STON2: variants seen among roughly 807,000 people sequenced by gnomAD.
The protein encoded by STON2 is stonin-2.
A neutral mutation model predicts 65.7 loss-of-function variants in STON2; 29 were observed. The ratio of observed to expected loss-of-function variants is 0.44; its 90% confidence interval spans 0.33 to 0.60. The LOEUF (loss-of-function observed/expected upper bound fraction) is 0.60, where lower values mean the gene tolerates loss of function less well. Ranked by LOEUF, STON2 falls within the 20% of genes least tolerant of loss-of-function variation. The pLI, the probability that STON2 is intolerant of heterozygous loss-of-function variation, is 0.03. For missense variants in STON2, 1,054 were observed against 1,118.1 expected (o/e 0.94, Z 0.82); for synonymous variants, 404 against 414.2 (o/e 0.98, Z 0.30).
At position 81,263,935 on chromosome 14, in the gene STON2, T is replaced by C; in HGVS notation, c.*4479A>G. 1.0e-6 allele frequency: 1 copy of C among 985,448 alleles called. No individual in the cohort carries two copies. The highest frequency in any genetic ancestry group is 1.2e-6 in the Non-Finnish European group (1 of 829,936). 61.0% of individuals were successfully genotyped at this position (985,448 alleles called of 1,614,324 possible). A position where few individuals can be genotyped will look rare whatever the true frequency, so the allele number is the denominator to read the frequency against. Reference sequence around the variant, plus strand: ...GACTTTATCTCACAAATTTTGACCTTACTATCTCAGACCTCCATCTTACTG... The same window carrying C: ...GACTTTATCTCACAAATTTTGACCTCACTATCTCAGACCTCCATCTTACTG... On this transcript the variant is annotated 3_prime_UTR_variant, in exon 8 of 8. Transcript: ENST00000614646.
In STON2 at chr14:81,267,886, A is replaced by C; in HGVS notation, c.*528T>G. The C allele has an allele frequency of 1.0e-6, 1 of 985,494 alleles. No homozygotes were observed. Among genetic ancestry groups the C allele is most frequent in the Non-Finnish European group, 1.2e-6 (1 of 829,978 alleles). The allele number at this position is 985,494 out of a possible 1,614,324, so 61.0% of individuals were successfully genotyped here. A position where few individuals can be genotyped will look rare whatever the true frequency, so the allele number is the denominator to read the frequency against. On this transcript the variant is annotated 3_prime_UTR_variant, in exon 8 of 8. Coordinates refer to ENST00000614646, the MANE Select transcript of STON2 (RefSeq NM_001394390.1). ...AGCTTAACAGTTAAAGAATGGAGAC[A>C]CCTCAAAAAGGTCTAGTAAGACCCA...
rs1281300847 is a variant in STON2 at position 81,327,512 on chromosome 14, C to T, written c.572-3325G>A. ...ACTAGCTAGTTAAAAGGCAGTCTTA[C>T]GTACTTCCATCAAGAGGCAACTGGC... On this transcript the variant is annotated intron_variant, in intron 4 of 7. Transcript: ENST00000614646. Among the ~76,000 whole-genome samples, 10 of 152,218 alleles carry T rather than the reference C, an allele frequency of 6.6e-5. No homozygotes were observed. In the East Asian group the frequency reaches 1.2e-3, roughly 18 times the overall value.
chr14:81,303,175 C>T (rs1054738420), intron 5 of STON2, among the ~76,000 whole-genome samples: 2 of 151,602 alleles, frequency 1.3e-5, no homozygotes, highest in Non-Finnish European at 2.9e-5. Flanking sequence ...AGGGAAGAGA[C>T]GGGGAAAAGT....
In STON2 at chr14:81,277,001, G is replaced by A. The variant is rs1894852419; in HGVS notation, c.2481C>T (p.Gly827=). The change falls in exon 6 of 8, where the codon GGC becomes GGT. Residue 827 remains glycine (G), a synonymous_variant. Transcript: ENST00000614646. ...GASFGSTSVS[G]SEPVMRVTLG... The stretch of plus-strand genomic sequence containing the variant: ...GAGTTACTCTCATGACAGGCTCAGA[G>A]CCAGAAACACTAGTGGAGCCAAAAC... The A allele has an allele frequency of 6.2e-7, 1 of 1,614,082 alleles. No homozygotes were observed. Among genetic ancestry groups the A allele is most frequent in the African/African-American group, 1.3e-5 (1 of 74,932 alleles).
At chr14:81,316,034 A>G (rs542089714) in intron 5 of STON2, among the ~76,000 whole-genome samples, 1 of 152,338 alleles carries the variant, frequency 6.6e-6, no homozygotes, top group Admixed American at 6.5e-5. Context: ...AAAAATACCA[A>G]TAAAAATGCC....
chr14:81,429,648 T>C (rs1300491323), intron 1 of STON2, among the ~76,000 whole-genome samples: 2 of 152,114 alleles, frequency 1.3e-5, no homozygotes, highest in Admixed American at 6.6e-5. Context: ...TAAGAAGTCA[T>C]CTAGGTCGGG....
At chr14:81,404,243 CA>C (rs1900741524), upstream of STON2, among the ~76,000 whole-genome samples, 1 of 152,140 alleles carries the variant, frequency 6.6e-6, no homozygotes, top group Non-Finnish European at 1.5e-5. Context: ...TCCAATACAG[CA>C]GACACTAGAC....
chr14:81,411,480 G>A (rs1901156007), intron 2 of STON2, among the ~76,000 whole-genome samples: 1 of 152,238 alleles, frequency 6.6e-6, no homozygotes. Flanking sequence ...GCCAAGGCAG[G>A]TGGATCACCT....
chr14:81,402,226 C>T (rs1900643873), upstream of STON2, among the ~76,000 whole-genome samples: 1 of 152,094 alleles, frequency 6.6e-6, no homozygotes, highest in Admixed American at 6.6e-5. Context: ...TGGACAGAAG[C>T]GTGGTGATGG....
In STON2 at chr14:81,347,635, A is replaced by AC. The variant is rs1418934936; in HGVS notation, c.571+23352_571+23353insG. On this transcript the variant is annotated intron_variant, in intron 4 of 7. Transcript: ENST00000614646. ...GACAGTAAAAAAAAAAAAAAAAAAA[A>AC]AACCCTACAGGCCAGTATCCCTGAT... Among the ~76,000 whole-genome samples, 4 of 150,380 alleles carry AC rather than the reference A, an allele frequency of 2.7e-5. No individual in the cohort carries two copies. In the East Asian group the frequency reaches 5.8e-4, roughly 22 times the overall value.
At chr14:81,308,781 C>CATATAT (rs57821672) in intron 5 of STON2, among the ~76,000 whole-genome samples, 16 of 9,074 alleles carry the variant, frequency 1.8e-3, no homozygotes, top group East Asian at 5.9e-3. Flanking sequence ...TGGTTTTACC[C>CATATAT]ATATATATAT....
At chr14:81,347,102 T>A (rs3915223) in intron 4 of STON2, among the ~76,000 whole-genome samples, 7 of 149,664 alleles carry the variant, frequency 4.7e-5, no homozygotes, top group East Asian at 2.0e-4. Context: ...CAAAACAAAA[T>A]AAAAAAAAAC....
intron 5 of STON2, among the ~76,000 whole-genome samples, chr14:81,317,775 C>G (rs568386469): frequency 1.3e-5 from 2 of 152,186 alleles, no homozygotes; most frequent in South Asian, 4.2e-4. Flanking sequence ...GTAAAGACAC[C>G]ACACACATAA....
At chr14:81,431,044 T>C (rs1010378279) in intron 1 of STON2, among the ~76,000 whole-genome samples, 1 of 152,058 alleles carries the variant, frequency 6.6e-6, no homozygotes, top group African/African-American at 2.4e-5. Context: ...ATAGATCAAG[T>C]GAAGGCAGTA....
chr14:81,313,811 ACAC>A (rs1896523548), intron 5 of STON2, among the ~76,000 whole-genome samples: 1 of 9,668 alleles, frequency 1.0e-4, no homozygotes, highest in Non-Finnish European at 2.1e-4. Context: ...AAAAAAAAAT[ACAC>A]ACACACACAC....
intron 3 of STON2, among the ~76,000 whole-genome samples, chr14:81,380,722 C>T (rs1899473926): frequency 6.6e-6 from 1 of 152,100 alleles, no homozygotes; most frequent in Non-Finnish European, 1.5e-5. Flanking sequence ...AACCCAGGAA[C>T]AGAAAACCAA....
At chr14:81,324,869 A>C (rs1335999382) in intron 4 of STON2, among the ~76,000 whole-genome samples, 2 of 152,236 alleles carry the variant, frequency 1.3e-5, no homozygotes, top group African/African-American at 2.4e-5. Flanking sequence ...TTCATAAACA[A>C]AGGCATGGCA....
At position 81,278,259 on chromosome 14, in the gene STON2, G is replaced by A. The variant is rs371297916; in HGVS notation, c.1223C>T (p.Thr408Met). 98 of 1,614,042 alleles carry A rather than the reference G, an allele frequency of 6.1e-5. No homozygotes were observed. The highest frequency in any genetic ancestry group is 1.6e-4 in the Middle Eastern group (1 of 6,084). ...RSQNSSISSTTGKSQRDSLIV... is the reference protein window; with the variant it reads ...RSQNSSISSTMGKSQRDSLIV... ...GAGGGAATCTCTTTGGCTTTTGCCC[G>A]TGGTACTGGAAATGGAACTGTTTTG... Residue 408 changes from threonine to methionine, a missense_variant, in exon 6 of 8, where the codon ACG becomes ATG. Physicochemically the swap from Thr to Met is moderately conservative, Grantham distance 81. Transcript: ENST00000614646.
Position 81,379,704 on chromosome 14 carries a change from A to G in STON2, c.374-8519T>C, listed in dbSNP as rs551507235. ...AGAATAAAGCTGCACACCTACAACC[A>G]TCTGATCTTCTACAAAGCCAACAAT... On this transcript the variant is annotated intron_variant, in intron 3 of 7. Transcript: ENST00000614646. Among the ~76,000 whole-genome samples the G allele has an allele frequency of 2.6e-5, 4 of 152,308 alleles. No homozygotes were observed. The South Asian group carries it at 8.3e-4, about 32-fold the overall frequency.
Sources: allele counts gnomAD v4.1 joint callset (sites outside exome capture counted in the v4.1 genomes callset), GRCh38; gene constraint gnomAD v4.1.1; transcripts MANE v1.5; gene names NCBI Gene and HGNC (gene_info 2026-07-23, HGNC 2026-07-21).